LHFPL2: variants seen among roughly 807,000 people sequenced by gnomAD.
LHFPL2 encodes LHFPL tetraspan subfamily member 2, also known as LHFPL tetraspan subfamily member 2 protein.
Under a neutral mutation model 17.5 loss-of-function variants are expected in LHFPL2, and 7 were observed. The observed-to-expected ratio is 0.40, with a 90% CI of 0.23 to 0.75. The LOEUF (loss-of-function observed/expected upper bound fraction) is 0.75. Ranked by LOEUF, LHFPL2 falls within the 30% of genes least tolerant of loss-of-function variation. The probability of loss-of-function intolerance (pLI) is 0.37; values close to 1 mark genes in which losing one functional copy is unlikely to be tolerated. For synonymous variants in LHFPL2, 134 were observed against 116.2 expected (o/e 1.15, Z -0.99); for missense variants, 241 against 294.8 (o/e 0.82, Z 1.34).
intron 4 of LHFPL2, among the ~76,000 whole-genome samples, chr5:78,492,621 A>C (rs1754482432): frequency 6.6e-6 from 1 of 152,200 alleles, no homozygotes; most frequent in Non-Finnish European, 1.5e-5. Flanking sequence ...GCTTCAGGCC[A>C]TCTTCAAATC....
rs147988197 is a variant in LHFPL2, at chr5:78,495,864, G to A, written c.431-6711C>T. On this transcript the variant is annotated intron_variant, in intron 4 of 4. Transcript: ENST00000380345. ...TGGCCATGGCTGGGTTATAGGAGTG[G>A]GATGCTGTAGGGTTTCAGAGGCTGG... Among the ~76,000 whole-genome samples, 48 of 152,218 alleles carry A rather than the reference G, an allele frequency of 3.2e-4. No individual in the cohort carries two copies. In the South Asian group the frequency reaches 6.8e-3, roughly 22 times the overall value.
At chr5:78,499,605 AT>A (rs1354926896) in intron 4 of LHFPL2, among the ~76,000 whole-genome samples, 1 of 152,214 alleles carries the variant, frequency 6.6e-6, no homozygotes, top group African/African-American at 2.4e-5. Flanking sequence ...AGAGACTGAT[AT>A]GCATTCAAAA....
chr5:78,509,681 C>T lies in LHFPL2; in HGVS notation c.430+103G>A. 3 of 1,219,510 alleles carry T rather than the reference C, an allele frequency of 2.5e-6. No homozygotes were observed. In the South Asian group the frequency reaches 4.3e-5, roughly 17 times the overall value. The allele number at this position is 1,219,510 out of a possible 1,614,324, so 75.5% of individuals were successfully genotyped here. A position where few individuals can be genotyped will look rare whatever the true frequency, so the allele number is the denominator to read the frequency against. Reference sequence around the variant, plus strand: ...GAAACCTGAATAGACAGAAAGTGGTCTTCTCCAAAACTAGCAGGAAGCGAA... The same window carrying T: ...GAAACCTGAATAGACAGAAAGTGGTTTTCTCCAAAACTAGCAGGAAGCGAA... On this transcript the variant is annotated intron_variant, in intron 4 of 4. Transcript: ENST00000380345.
rs2112347904 is a variant in LHFPL2, at chr5:78,524,645, G to A, written c.-185-14247C>T. ...TAGCCCCAGCTGCTCAGGAGGCTGAGGCACAAGAATCGCTTGAACCCAGAA... is the reference window on the plus strand; with the variant it reads ...TAGCCCCAGCTGCTCAGGAGGCTGAAGCACAAGAATCGCTTGAACCCAGAA... On this transcript the variant is annotated intron_variant, in intron 3 of 4. Coordinates refer to ENST00000380345, the MANE Select transcript of LHFPL2 (RefSeq NM_005779.3). 2.0e-5 allele frequency among the ~76,000 whole-genome samples: 3 copies of A among 151,756 alleles called. No individual in the cohort carries two copies. The East Asian group carries it at 5.8e-4, about 29-fold the overall frequency.
At position 78,510,228 on chromosome 5, in the gene LHFPL2, C is replaced by G; in HGVS notation, c.-15G>C. 6.4e-7 allele frequency: 1 copy of G among 1,565,880 alleles called. No homozygotes were observed. The highest frequency in any genetic ancestry group is 8.7e-7 in the Non-Finnish European group (1 of 1,153,196). On this transcript the variant is annotated 5_prime_UTR_variant, in exon 4 of 5. Coordinates refer to ENST00000380345, the MANE Select transcript of LHFPL2 (RefSeq NM_005779.3). ...ACATGACACATATTGATGTTCCGGGCGAAGAAAGAGTCAGGAGTCCACGGA... is the reference window on the plus strand; with the variant it reads ...ACATGACACATATTGATGTTCCGGGGGAAGAAAGAGTCAGGAGTCCACGGA...
At chr5:78,636,391 A>C (rs13161316) in intron 1 of LHFPL2, among the ~76,000 whole-genome samples, 46,320 of 152,106 alleles carry the variant, frequency 0.3, 7,353 homozygotes, top group Middle Eastern at 0.37. Context: ...GTAAGGAGCT[A>C]CTTCTATATC....
intron 1 of LHFPL2, among the ~76,000 whole-genome samples, chr5:78,645,550 A>ACC (rs1745837607): frequency 6.6e-5 from 2 of 30,250 alleles, no homozygotes; most frequent in African/African-American, 1.2e-4. Flanking sequence ...GCATACACAC[A>ACC]CACACACACA....
rs533377100 is a variant in LHFPL2 at position 78,579,588 on chromosome 5, C to A, written c.-244-14717G>T. On this transcript the variant is annotated intron_variant, in intron 2 of 4. Coordinates refer to ENST00000380345, the MANE Select transcript of LHFPL2 (RefSeq NM_005779.3). ...ATTCCCACCTATGAGTGAGAATATG[C>A]GGTGTTTGGTTTTTTGTTCTTGCGA... Among the ~76,000 whole-genome samples the A allele has an allele frequency of 5.9e-5, 9 of 151,752 alleles. 1 individual carries two copies. The highest frequency in any genetic ancestry group is 8.8e-5 in the Non-Finnish European group (6 of 67,952).
chr5:78,514,648 A>G (rs1755238051), intron 3 of LHFPL2, among the ~76,000 whole-genome samples: 1 of 152,204 alleles, frequency 6.6e-6, no homozygotes, highest in South Asian at 2.1e-4. Flanking sequence ...ACCCGGACAG[A>G]AACTCAGGAG....
At chr5:78,608,640 T>G (rs1440301172) in intron 2 of LHFPL2, among the ~76,000 whole-genome samples, 1 of 148,318 alleles carries the variant, frequency 6.7e-6, no homozygotes, top group African/African-American at 2.5e-5. Flanking sequence ...TGACTTAAAA[T>G]ACATTAGAGA....
intron 2 of LHFPL2, chr5:78,626,782 T>C (rs1253104100): frequency 6.6e-6 from 1 of 151,784 alleles, no homozygotes; most frequent in Non-Finnish European, 1.5e-5. Context: ...CAGAGCTAAG[T>C]TGAAATACAG....
At chr5:78,511,973 T>C (rs1441991798) in intron 3 of LHFPL2, among the ~76,000 whole-genome samples, 1 of 152,152 alleles carries the variant, frequency 6.6e-6, no homozygotes, top group Non-Finnish European at 1.5e-5. Context: ...GATGCCTAAC[T>C]TCTCAGAGCT....
chr5:78,645,751 T>A (rs1442808093), intron 1 of LHFPL2, among the ~76,000 whole-genome samples: 2 of 152,018 alleles, frequency 1.3e-5, no homozygotes, highest in Non-Finnish European at 2.9e-5. Flanking sequence ...CCCGGCTAAT[T>A]TTTGTCTTTT....
chr5:78,574,168 C>G (rs1016401111), intron 2 of LHFPL2, among the ~76,000 whole-genome samples: 2 of 152,320 alleles, frequency 1.3e-5, no homozygotes, highest in Non-Finnish European at 2.9e-5. Context: ...GAAGTTTTGT[C>G]TTCAGACTGA....
At chr5:78,638,829 G>A (rs1306131685) in intron 1 of LHFPL2, among the ~76,000 whole-genome samples, 1 of 152,070 alleles carries the variant, frequency 6.6e-6, no homozygotes, top group Non-Finnish European at 1.5e-5. Context: ...AAAACTATCT[G>A]GACAGGCCAA....
At chr5:78,524,742 C>G (rs1014270531) in intron 3 of LHFPL2, among the ~76,000 whole-genome samples, 1 of 117,786 alleles carries the variant, frequency 8.5e-6, no homozygotes, top group Non-Finnish European at 1.7e-5. Flanking sequence ...ACCCTGTTCT[C>G]AAAAAAAAAA....
chr5:78,566,804 C>T (rs1756872074), intron 2 of LHFPL2, among the ~76,000 whole-genome samples: 1 of 152,188 alleles, frequency 6.6e-6, no homozygotes, highest in Admixed American at 6.5e-5. Context: ...TAATTACTTG[C>T]TAAATTCTAA....
At chr5:78,543,660 G>A (rs1273444557) in intron 3 of LHFPL2, among the ~76,000 whole-genome samples, 1 of 152,186 alleles carries the variant, frequency 6.6e-6, no homozygotes, top group East Asian at 1.9e-4. Flanking sequence ...CACTAGGGCT[G>A]CAGGTCCCAG....
At chr5:78,569,170 T>A (rs747920719) in intron 2 of LHFPL2, among the ~76,000 whole-genome samples, 13 of 152,112 alleles carry the variant, frequency 8.5e-5, no homozygotes, top group Non-Finnish European at 1.3e-4. Flanking sequence ...CCGAGGCAAA[T>A]ACCAAAGCAA....
Sources: gnomAD v4.1 joint callset for allele counts (sites outside exome capture counted in the v4.1 genomes callset) on GRCh38, gnomAD v4.1.1 for gene constraint, MANE v1.5 for transcripts, NCBI Gene and HGNC (gene_info 2026-07-23, HGNC 2026-07-21) for gene names.